Variants in PRR16 observed in about 807,000 individuals in gnomAD.
PRR16 encodes the protein proline rich 16.
Under a neutral mutation model 18.2 loss-of-function variants are expected in PRR16, and 6 were observed. That is an observed-to-expected ratio of 0.33 (90% CI 0.18 to 0.65). PRR16 has a LOEUF of 0.65. Among genes scored for constraint, PRR16 ranks in the 30% least tolerant of loss-of-function variants. PRR16 has a pLI of 0.74. For missense variants in PRR16, 412 were observed against 376.6 expected (o/e 1.09, Z -0.78); for synonymous variants, 151 against 147.8 (o/e 1.02, Z -0.16).
chr5:120,669,795 G>T (rs1207175384), intron 1 of PRR16, among the ~76,000 whole-genome samples: 2 of 151,940 alleles, frequency 1.3e-5, no homozygotes, highest in African/African-American at 4.8e-5. Flanking sequence ...CATTCACAAC[G>T]TAAAATATGC....
chr5:120,507,974 A>G (rs904205819), intron 1 of PRR16, among the ~76,000 whole-genome samples: 1 of 152,106 alleles, frequency 6.6e-6, no homozygotes, highest in Non-Finnish European at 1.5e-5. Flanking sequence ...CCTTAACATC[A>G]GAACCTCACT....
At chr5:120,534,604 T>C (rs1331906250) in intron 1 of PRR16, among the ~76,000 whole-genome samples, 1 of 152,214 alleles carries the variant, frequency 6.6e-6, no homozygotes, top group East Asian at 1.9e-4. Context: ...AAATGTATTA[T>C]CTGTCACCTT....
At chr5:120,513,725 TG>T (rs1229227198) in intron 1 of PRR16, among the ~76,000 whole-genome samples, 13 of 152,076 alleles carry the variant, frequency 8.5e-5, no homozygotes, top group African/African-American at 3.1e-4. Context: ...TCTCAATTGA[TG>T]GCCAGACTTA....
At chr5:120,718,369 G>C in the PRR16 span, among the ~76,000 whole-genome samples, 1 of 152,038 alleles carries the variant, frequency 6.6e-6, no homozygotes, top group East Asian at 1.9e-4. Context: ...GGGAATGGTG[G>C]TTCAGGAGCA....
At chr5:120,784,657 G>A in the PRR16 span, among the ~76,000 whole-genome samples, 1 of 152,112 alleles carries the variant, frequency 6.6e-6, no homozygotes, top group African/African-American at 2.4e-5. Context: ...TCTCAAAGAC[G>A]AAATACCTGT....
At chr5:120,503,988 C>T (rs955541908) in intron 1 of PRR16, among the ~76,000 whole-genome samples, 1 of 151,830 alleles carries the variant, frequency 6.6e-6, no homozygotes, top group African/African-American at 2.4e-5. Flanking sequence ...TTTATGGCTG[C>T]ATAGTATTCC....
chr5:120,521,108 C>A (rs1401257744), intron 1 of PRR16, among the ~76,000 whole-genome samples: 1 of 152,172 alleles, frequency 6.6e-6, no homozygotes, highest in Non-Finnish European at 1.5e-5. Context: ...TTAGAAATGT[C>A]TGATTTGAGA....
At chr5:120,773,762 G>A in the PRR16 span, among the ~76,000 whole-genome samples, 3 of 152,014 alleles carry the variant, frequency 2.0e-5, no homozygotes, top group Non-Finnish European at 4.4e-5. Flanking sequence ...AAGTAAATGA[G>A]TACAGGGAAC....
the PRR16 span, among the ~76,000 whole-genome samples, chr5:120,717,707 A>G: frequency 6.6e-6 from 1 of 152,144 alleles, no homozygotes; most frequent in Non-Finnish European, 1.5e-5. Flanking sequence ...AATTTGATGT[A>G]ATATCCTCCC....
At chr5:120,740,221 T>C in the PRR16 span, among the ~76,000 whole-genome samples, 1 of 152,188 alleles carries the variant, frequency 6.6e-6, no homozygotes, top group Middle Eastern at 3.2e-3. Context: ...TCTTCTCTTC[T>C]TACTGACCCA....
chr5:120,765,095 G>A, the PRR16 span, among the ~76,000 whole-genome samples: 18 of 134,358 alleles, frequency 1.3e-4, no homozygotes, highest in Non-Finnish European at 2.2e-4. Context: ...TTTCAAATAT[G>A]TATGTTCTAC....
intron 1 of PRR16, among the ~76,000 whole-genome samples, chr5:120,517,119 G>A (rs1751023822): frequency 6.6e-6 from 1 of 152,188 alleles, no homozygotes; most frequent in Non-Finnish European, 1.5e-5. Flanking sequence ...TTATCCCGCT[G>A]TGCAGGAATA....
chr5:120,790,741 T>C, the PRR16 span: 1 of 152,148 alleles, frequency 6.6e-6, no homozygotes, highest in Non-Finnish European at 1.5e-5. Flanking sequence ...GTGCTGTTAT[T>C]TGCACAGATG....
At chr5:120,791,915 G>A in the PRR16 span, among the ~76,000 whole-genome samples, 1 of 152,054 alleles carries the variant, frequency 6.6e-6, no homozygotes, top group Non-Finnish European at 1.5e-5. Context: ...AAATTAGTTT[G>A]TTTTGCATGA....
At chr5:120,599,828 C>T (rs1400612004) in intron 1 of PRR16, among the ~76,000 whole-genome samples, 1 of 151,766 alleles carries the variant, frequency 6.6e-6, no homozygotes, top group African/African-American at 2.4e-5. Context: ...CAACCAGTGA[C>T]TCAGATCTTA....
intron 1 of PRR16, among the ~76,000 whole-genome samples, chr5:120,613,747 A>C (rs1448533519): frequency 6.6e-6 from 1 of 152,186 alleles, no homozygotes; most frequent in Non-Finnish European, 1.5e-5. Flanking sequence ...ATGGCCACTA[A>C]TAATGAGACT....
the PRR16 span, among the ~76,000 whole-genome samples, chr5:120,791,274 A>T: frequency 6.6e-6 from 1 of 152,094 alleles, no homozygotes; most frequent in Admixed American, 6.5e-5. Context: ...GAAGATTGAT[A>T]TTTCAAGTAT....
chr5:120,676,344 AT>A (rs2150150507), intron 1 of PRR16, among the ~76,000 whole-genome samples: 1 of 152,132 alleles, frequency 6.6e-6, no homozygotes, highest in Non-Finnish European at 1.5e-5. Context: ...TCCCCACCCT[AT>A]TTCATTCTAC....
At chr5:120,526,948 C>G (rs1257030549) in intron 1 of PRR16, among the ~76,000 whole-genome samples, 3 of 152,120 alleles carry the variant, frequency 2.0e-5, no homozygotes, top group African/African-American at 7.2e-5. Context: ...CAATATTGTA[C>G]AGCAGATCTG....
Sources: allele counts gnomAD v4.1 joint callset (sites outside exome capture counted in the v4.1 genomes callset), GRCh38; gene constraint gnomAD v4.1.1; transcripts MANE v1.5; gene names NCBI Gene and HGNC (gene_info 2026-07-23, HGNC 2026-07-21).